Variants in ULK4 observed in about 807,000 individuals in gnomAD.
The protein encoded by ULK4 is inactive serine/threonine-protein kinase ULK4.
ULK4 carries 133 observed loss-of-function variants against 160.6 expected under a neutral mutation model. The ratio of observed to expected loss-of-function variants is 0.83; its 90% CI spans 0.72 to 0.96. The LOEUF (loss-of-function observed/expected upper bound fraction) is 0.96. ULK4 is among the 40% of genes least tolerant of loss of function. The pLI, the probability that ULK4 is intolerant of heterozygous loss-of-function variation, is 0.00. For missense variants in ULK4, 1,580 were observed against 1,499.5 expected (o/e 1.05, Z -0.89); for synonymous variants, 534 against 539.8 (o/e 0.99, Z 0.15).
At chr3:41,951,045 G>A (rs372135782) in intron 2 of ULK4, among the ~76,000 whole-genome samples, 1 of 149,276 alleles carries the variant, frequency 6.7e-6, no homozygotes, top group African/African-American at 2.5e-5. Context: ...TCAAGAGGCT[G>A]AGGCAGGAGA....
chr3:41,308,930 T>C (rs528268141), intron 35 of ULK4, among the ~76,000 whole-genome samples: 52 of 152,044 alleles, frequency 3.4e-4, no homozygotes, highest in African/African-American at 1.2e-3. Context: ...AAGAAGAGGG[T>C]AGAATCACAG....
intron 32 of ULK4, among the ~76,000 whole-genome samples, chr3:41,506,807 T>TATATATAC (rs1559658299): frequency 2.3e-4 from 26 of 110,690 alleles, no homozygotes; most frequent in African/African-American, 8.6e-4. Context: ...TATATATATA[T>TATATATAC]GAACATGTTT....
At chr3:41,481,103 T>C (rs1045278778) in intron 32 of ULK4, among the ~76,000 whole-genome samples, 3 of 152,182 alleles carry the variant, frequency 2.0e-5, no homozygotes, top group African/African-American at 7.2e-5. Flanking sequence ...AGGCTTCCAG[T>C]CAACAGTAGG....
intron 35 of ULK4, among the ~76,000 whole-genome samples, chr3:41,338,597 A>C (rs1034806243): frequency 6.6e-6 from 1 of 152,090 alleles, no homozygotes; most frequent in Non-Finnish European, 1.5e-5. Context: ...GCCTGGACAT[A>C]ATTTACCAGG....
intron 27 of ULK4, among the ~76,000 whole-genome samples, chr3:41,687,170 C>A (rs916901183): frequency 1.3e-5 from 2 of 152,074 alleles, no homozygotes; most frequent in South Asian, 4.1e-4. Context: ...GTCAAGAGAT[C>A]AAGACCATCC....
At chr3:41,664,692 C>T (rs2035300162) in intron 29 of ULK4, among the ~76,000 whole-genome samples, 1 of 152,080 alleles carries the variant, frequency 6.6e-6, no homozygotes, top group Non-Finnish European at 1.5e-5. Context: ...CAGCCAAGTT[C>T]CTAGATGTCT....
chr3:41,683,931 T>C (rs2036010302), intron 27 of ULK4, among the ~76,000 whole-genome samples: 1 of 152,176 alleles, frequency 6.6e-6, no homozygotes, highest in African/African-American at 2.4e-5. Context: ...CTGGGTGCTA[T>C]CTTTGTGAAG....
intron 31 of ULK4, among the ~76,000 whole-genome samples, chr3:41,605,369 T>G (rs1451201822): frequency 6.6e-6 from 1 of 151,808 alleles, no homozygotes; most frequent in African/African-American, 2.4e-5. Context: ...GAAAACAATT[T>G]TGAATATAAA....
At chr3:41,568,877 A>T (rs965311280) in intron 31 of ULK4, among the ~76,000 whole-genome samples, 1 of 151,848 alleles carries the variant, frequency 6.6e-6, no homozygotes, top group African/African-American at 2.4e-5. Flanking sequence ...CACTTCAAAC[A>T]CTCATCACAA....
At chr3:41,827,797 T>C in intron 18 of ULK4, among the ~76,000 whole-genome samples, 1 of 152,050 alleles carries the variant, frequency 6.6e-6, no homozygotes, top group Non-Finnish European at 1.5e-5. Context: ...TAACTCATTT[T>C]ATGAGGCCAG....
At chr3:41,869,607 C>T (rs1244013654) in intron 17 of ULK4, among the ~76,000 whole-genome samples, 1 of 152,032 alleles carries the variant, frequency 6.6e-6, no homozygotes, top group Non-Finnish European at 1.5e-5. Context: ...ACAATATATA[C>T]ATAAAACATA....
chr3:41,392,533 C>T (rs766922505), intron 35 of ULK4, among the ~76,000 whole-genome samples: 3 of 152,146 alleles, frequency 2.0e-5, no homozygotes, highest in Non-Finnish European at 4.4e-5. Context: ...GTTTACCAGT[C>T]ACTGACATGC....
chr3:41,956,263 G>A (rs1176887957), intron 1 of ULK4, among the ~76,000 whole-genome samples: 1 of 152,170 alleles, frequency 6.6e-6, no homozygotes, highest in Non-Finnish European at 1.5e-5. Flanking sequence ...CCAATAGACC[G>A]ATTGCAGGCC....
At chr3:41,681,187 G>T (rs6808854) in intron 29 of ULK4, among the ~76,000 whole-genome samples, 19,957 of 151,990 alleles carry the variant, frequency 0.13, 3,074 homozygotes, top group African/African-American at 0.37. Flanking sequence ...TCCAGTAGTC[G>T]TGTAATATAG....
chr3:41,338,317 A>T (rs2080609562), intron 35 of ULK4, among the ~76,000 whole-genome samples: 1 of 152,140 alleles, frequency 6.6e-6, no homozygotes, highest in Non-Finnish European at 1.5e-5. Context: ...TGTGTAATTG[A>T]GCCCTCAACA....
chr3:41,466,743 C>A (rs964069606), intron 32 of ULK4, among the ~76,000 whole-genome samples: 11 of 150,760 alleles, frequency 7.3e-5, no homozygotes, highest in Admixed American at 6.7e-4. Context: ...AAAAAATATT[C>A]TTCTCTTTTT....
At chr3:41,945,960 T>TGA (rs1700100141) in intron 2 of ULK4, among the ~76,000 whole-genome samples, 1 of 152,126 alleles carries the variant, frequency 6.6e-6, no homozygotes, top group African/African-American at 2.4e-5. Flanking sequence ...TCATAGAAAG[T>TGA]CAAAACTAGC....
chr3:41,805,033 G>C (rs1475179686), intron 19 of ULK4, among the ~76,000 whole-genome samples: 1 of 146,884 alleles, frequency 6.8e-6, no homozygotes, highest in Non-Finnish European at 1.5e-5. Flanking sequence ...GTCATTGGTA[G>C]CTTGATGGGT....
intron 33 of ULK4, among the ~76,000 whole-genome samples, chr3:41,462,683 G>C (rs1575256404): frequency 6.6e-6 from 1 of 152,290 alleles, no homozygotes; most frequent in East Asian, 1.9e-4. Flanking sequence ...ACATGCATGT[G>C]TATGTACACA....
Sources: allele counts gnomAD v4.1 joint callset (sites outside exome capture counted in the v4.1 genomes callset), GRCh38; gene constraint gnomAD v4.1.1; transcripts MANE v1.5; gene names NCBI Gene and HGNC (gene_info 2026-07-23, HGNC 2026-07-21).